The following RNF216 variants were observed in gnomAD, a reference collection of about 807,000 sequenced individuals.
RNF216 encodes E3 ubiquitin-protein ligase RNF216.
RNF216 carries 72 observed loss-of-function variants against 110.8 expected under a neutral mutation model. That is an observed-to-expected ratio of 0.65 (90% CI 0.54 to 0.79). RNF216 has a LOEUF of 0.79. RNF216 is among the 30% of genes least tolerant of loss of function. The pLI, the probability that RNF216 is intolerant of heterozygous loss-of-function variation, is 0.00. For synonymous variants in RNF216, 495 were observed against 407.5 expected (o/e 1.21, Z -2.59); for missense variants, 1,342 against 1,141.2 (o/e 1.18, Z -2.54).
chr7:5,716,181 G>C (rs116051838), intron 10 of RNF216, among the ~76,000 whole-genome samples: 5,837 of 152,166 alleles, frequency 0.038, 168 homozygotes, highest in South Asian at 0.07. Flanking sequence ...CACGAGCCAC[G>C]GTGCCCGGCC....
At chr7:5,719,516 G>C (rs1201764436) in intron 9 of RNF216, among the ~76,000 whole-genome samples, 1 of 152,224 alleles carries the variant, frequency 6.6e-6, no homozygotes, top group African/African-American at 2.4e-5. Context: ...CGGGTTAAGA[G>C]AGACTAACTT....
In RNF216 at chr7:5,712,501, G is replaced by C. The variant is rs906280981; in HGVS notation, c.1982+214C>G. On this transcript the variant is annotated intron_variant, in intron 12 of 16. Coordinates refer to ENST00000389902, the MANE Select transcript of RNF216 (RefSeq NM_207111.4). ...AAAAAAAAAAGAAGTTTGAGGGGCAGATTTTTCCATTAATAGAATTACTGG... is the reference window on the plus strand; with the variant it reads ...AAAAAAAAAAGAAGTTTGAGGGGCACATTTTTCCATTAATAGAATTACTGG... Among the ~76,000 whole-genome samples the C allele has an allele frequency of 2.0e-5, 3 of 151,866 alleles. No homozygotes were observed. The South Asian group carries it at 6.2e-4, about 31-fold the overall frequency.
chr7:5,660,943 G>GTTTTTTTTTGTTTTTTTTTTTTTTTTT (rs1470327757), intron 13 of RNF216, among the ~76,000 whole-genome samples: 6 of 90,164 alleles, frequency 6.7e-5, no homozygotes, highest in African/African-American at 2.7e-4. Flanking sequence ...GAAGCCTTAG[G>GTTTTTTTTTGTTTTTTTTTTTTTTTTT]TTTTTTTTTT....
intron 16 of RNF216, 117 bp downstream of exon 16, chr7:5,623,939 G>T: frequency 2.4e-6 from 2 of 834,350 alleles, no homozygotes; most frequent in Non-Finnish European, 3.8e-6. Context: ...CCACCTGAGG[G>T]ACAGCACCCC....
chr7:5,701,409 T>C (rs1278726538), intron 13 of RNF216, among the ~76,000 whole-genome samples: 4 of 152,162 alleles, frequency 2.6e-5, no homozygotes. Flanking sequence ...TCCCCCTTTC[T>C]AGGATCTCCG....
rs1291233433 is a variant in RNF216 at position 5,624,342 on chromosome 7, A to G, written c.2383-217T>C. Among the ~76,000 whole-genome samples, 2 of 152,114 alleles carry G rather than the reference A, an allele frequency of 1.3e-5. No homozygotes were observed. Among genetic ancestry groups the G allele is most frequent in the Non-Finnish European group, 2.9e-5 (2 of 67,990 alleles). On this transcript the variant is annotated intron_variant, in intron 15 of 16. Coordinates refer to ENST00000389902, the MANE Select transcript of RNF216 (RefSeq NM_207111.4). The surrounding 1 kb of genome is among the most constrained non-coding windows in gnomAD (Gnocchi z 4.4). ...GGCGTTCCACAAGGAGGCCATCCAC[A>G]AGGCTGGGCAGAGGGGTCTGAGCAT...
chr7:5,634,548 T>A (rs1213825568), intron 15 of RNF216, among the ~76,000 whole-genome samples: 2 of 152,114 alleles, frequency 1.3e-5, no homozygotes, highest in Non-Finnish European at 2.9e-5. Flanking sequence ...CAGCTGTGGC[T>A]GGGAAGGGCA....
intron 1 of RNF216, among the ~76,000 whole-genome samples, chr7:5,779,270 G>C (rs1796943856): frequency 6.6e-6 from 1 of 151,908 alleles, no homozygotes; most frequent in Non-Finnish European, 1.5e-5. Context: ...TTCTCCACAG[G>C]GGCTTCAGGA....
At chr7:5,744,360 A>G (rs1336362407) in intron 3 of RNF216, among the ~76,000 whole-genome samples, 2 of 152,198 alleles carry the variant, frequency 1.3e-5, no homozygotes, top group Non-Finnish European at 2.9e-5. Context: ...AACATTAGAT[A>G]AGAGAACACG....
At chr7:5,651,031 A>G (rs1211395214) in intron 14 of RNF216, among the ~76,000 whole-genome samples, 1 of 152,238 alleles carries the variant, frequency 6.6e-6, no homozygotes, top group African/African-American at 2.4e-5. Context: ...AATCTAGACC[A>G]ATGCGATACG....
At position 5,622,586 on chromosome 7, in the gene RNF216, GA is replaced by G. The variant is rs1312585830; in HGVS notation, c.*273del. On this transcript the variant is annotated 3_prime_UTR_variant, in exon 17 of 17. Coordinates refer to ENST00000389902, the MANE Select transcript of RNF216 (RefSeq NM_207111.4). Reference sequence around the variant, plus strand: ...TATGGCCTATGCCATGGACAAGGCAGAAGGACTGCCGTTGGTGGCCTGGGGG... The same window carrying G: ...TATGGCCTATGCCATGGACAAGGCAGAGGACTGCCGTTGGTGGCCTGGGGG... 1 of 462,208 alleles carries G rather than the reference GA, an allele frequency of 2.2e-6. No homozygotes were observed. The highest frequency in any genetic ancestry group is 3.9e-6 in the Non-Finnish European group (1 of 257,920). 28.6% of individuals were successfully genotyped at this position (462,208 alleles called of 1,614,324 possible).
At chr7:5,719,494 G>C (rs1364075397) in intron 9 of RNF216, among the ~76,000 whole-genome samples, 1 of 152,228 alleles carries the variant, frequency 6.6e-6, no homozygotes, top group Admixed American at 6.5e-5. Flanking sequence ...TGTTGTCAGA[G>C]ACTACAGGGG....
At chr7:5,749,442 C>T (rs967796112) in intron 3 of RNF216, among the ~76,000 whole-genome samples, 9 of 152,228 alleles carry the variant, frequency 5.9e-5, no homozygotes, top group Non-Finnish European at 8.8e-5. Flanking sequence ...TGAGCCACCA[C>T]GTCGGGCCTA....
intron 14 of RNF216, among the ~76,000 whole-genome samples, chr7:5,651,255 G>A (rs1031739284): frequency 6.6e-6 from 1 of 151,160 alleles, no homozygotes; most frequent in Non-Finnish European, 1.5e-5. Flanking sequence ...TTGGAGTCTC[G>A]CTCTGTCGCC....
chr7:5,752,072 C>T (rs1353754035), intron 3 of RNF216, among the ~76,000 whole-genome samples: 1 of 151,992 alleles, frequency 6.6e-6, no homozygotes, highest in African/African-American at 2.4e-5. Context: ...GTAATCCCAG[C>T]TACTCAGGAG....
chr7:5,770,877 G>A (rs140808444), intron 1 of RNF216, among the ~76,000 whole-genome samples: 74 of 150,734 alleles, frequency 4.9e-4, no homozygotes, highest in Middle Eastern at 3.5e-3. Flanking sequence ...GTGTGATCTC[G>A]GCTCACTGCA....
chr7:5,658,048 G>A (rs552033186), intron 13 of RNF216, among the ~76,000 whole-genome samples: 23 of 152,220 alleles, frequency 1.5e-4, no homozygotes, highest in Non-Finnish European at 2.9e-4. Flanking sequence ...TAATGTGCAC[G>A]CACACACGGC....
At chr7:5,629,946 A>G (rs1384593981) in intron 15 of RNF216, among the ~76,000 whole-genome samples, 1 of 151,988 alleles carries the variant, frequency 6.6e-6, no homozygotes, top group Non-Finnish European at 1.5e-5. Flanking sequence ...CAGATGGGGT[A>G]TTGAGTCCAT....
At chr7:5,765,952 C>CAT (rs1796185782) in intron 1 of RNF216, among the ~76,000 whole-genome samples, 1 of 102,388 alleles carries the variant, frequency 9.8e-6, no homozygotes, top group Non-Finnish European at 1.9e-5. Context: ...GACTCTGTCT[C>CAT]AAAAAAAAAA....
Sources: allele counts gnomAD v4.1 joint callset (sites outside exome capture counted in the v4.1 genomes callset), GRCh38; gene constraint gnomAD v4.1.1; non-coding constraint Gnocchi (gnomAD v3.1); transcripts MANE v1.5; gene names NCBI Gene and HGNC (gene_info 2026-07-23, HGNC 2026-07-21).